The following NREP variants were observed in gnomAD, a reference collection of about 807,000 sequenced individuals.
NREP encodes neuronal regeneration related protein.
NREP carries 5 observed loss-of-function variants against 8.6 expected under a neutral mutation model. The observed-to-expected ratio is 0.58, with a 90% CI of 0.30 to 1.22. The LOEUF is 1.22. Ranked by LOEUF, NREP falls within the 50% of genes most tolerant of loss-of-function variation. The pLI, the probability that NREP is intolerant of heterozygous loss-of-function variation, is 0.07. For missense variants in NREP, 86 were observed against 82.5 expected (o/e 1.04, Z -0.17); for synonymous variants, 27 against 28.0 (o/e 0.96, Z 0.11).
At chr5:111,747,780 T>C (rs531740660) in intron 2 of NREP, among the ~76,000 whole-genome samples, 2 of 152,292 alleles carry the variant, frequency 1.3e-5, no homozygotes, top group East Asian at 3.9e-4. Flanking sequence ...ATTTATATTT[T>C]GCTCCATGAA....
intron 2 of NREP, among the ~76,000 whole-genome samples, chr5:111,785,969 A>T (rs543547709): frequency 6.6e-6 from 1 of 152,140 alleles, no homozygotes; most frequent in Non-Finnish European, 1.5e-5. Flanking sequence ...AAAAATGAAG[A>T]GAGGTCACTC....
chr5:111,768,613 C>T (rs1003334282), intron 2 of NREP, among the ~76,000 whole-genome samples: 3 of 152,106 alleles, frequency 2.0e-5, no homozygotes, highest in African/African-American at 7.2e-5. Context: ...GAGAAGGTGT[C>T]GTATTTGAAT....
At chr5:111,905,256 G>C (rs1754753593) in intron 2 of NREP, among the ~76,000 whole-genome samples, 1 of 152,104 alleles carries the variant, frequency 6.6e-6, no homozygotes, top group Non-Finnish European at 1.5e-5. Context: ...GGTAGATCAC[G>C]TGGTAAGACT....
chr5:111,956,602 A>G (rs1756327265), intron 2 of NREP, among the ~76,000 whole-genome samples: 1 of 152,176 alleles, frequency 6.6e-6, no homozygotes, highest in Non-Finnish European at 1.5e-5. Context: ...AAGAGTAAAA[A>G]CAATATTTTT....
At position 111,962,696 on chromosome 5, in the gene NREP, G is replaced by A. The variant is rs541050488; in HGVS notation, c.135+12578C>T. On this transcript the variant is annotated intron_variant, in intron 2 of 3. Transcript: ENST00000395634. ...TGTTGCCTTTTCCAAAATTACCTACGCCCTGCCCCATCCCCCATTCTGTGC... is the reference window on the plus strand; with the variant it reads ...TGTTGCCTTTTCCAAAATTACCTACACCCTGCCCCATCCCCCATTCTGTGC... Among the ~76,000 whole-genome samples the A allele has an allele frequency of 1.1e-3, 167 of 152,098 alleles. 2 individuals are homozygous for A. The highest frequency in any genetic ancestry group is 3.8e-3 in the African/African-American group (157 of 41,488).
chr5:111,951,777 T>A (rs1473871196), intron 2 of NREP, among the ~76,000 whole-genome samples: 1 of 152,112 alleles, frequency 6.6e-6, no homozygotes, highest in Non-Finnish European at 1.5e-5. Context: ...AGTTTTAAAA[T>A]CGTGTCCATT....
chr5:111,846,918 A>G (rs924450586), intron 2 of NREP, among the ~76,000 whole-genome samples: 5 of 152,140 alleles, frequency 3.3e-5, no homozygotes, highest in Non-Finnish European at 7.4e-5. Context: ...TTTTTCATTC[A>G]TTCACGTATT....
In NREP at chr5:111,838,715, A is replaced by G. The variant is rs371479551; in HGVS notation, c.136-103208T>C. On this transcript the variant is annotated intron_variant, in intron 2 of 3. Transcript: ENST00000395634. ...TTGAAATTCATGATGATATATATAT[A>G]TGTGTGTGTGTTTGTATGCATATAT... Among the ~76,000 whole-genome samples, 43 of 152,066 alleles carry G rather than the reference A, an allele frequency of 2.8e-4. 1 individual carries two copies. The highest frequency in any genetic ancestry group is 2.1e-3 in the East Asian group (11 of 5,170).
intron 2 of NREP, among the ~76,000 whole-genome samples, chr5:111,948,157 A>G (rs1375868446): frequency 2.0e-5 from 3 of 152,124 alleles, no homozygotes; most frequent in African/African-American, 7.2e-5. Context: ...AGACATATTT[A>G]ATTTCCCACA....
chr5:111,741,790 C>T (rs958004637), intron 2 of NREP, among the ~76,000 whole-genome samples: 4 of 149,708 alleles, frequency 2.7e-5, no homozygotes, highest in African/African-American at 4.9e-5. Context: ...GGGGGCTAAA[C>T]GAAACATGCA....
intron 2 of NREP, among the ~76,000 whole-genome samples, chr5:111,787,381 C>A (rs1751636735): frequency 6.6e-6 from 1 of 151,932 alleles, no homozygotes; most frequent in Admixed American, 6.6e-5. Flanking sequence ...GAAAGTAAAC[C>A]ATCTTATTGT....
At chr5:111,862,523 ACTG>A (rs903241758) in intron 2 of NREP, among the ~76,000 whole-genome samples, 1 of 152,122 alleles carries the variant, frequency 6.6e-6, no homozygotes, top group African/African-American at 2.4e-5. Flanking sequence ...GGGATGTATG[ACTG>A]TTGCAAAACA....
chr5:111,891,655 T>C (rs951297427), intron 2 of NREP, among the ~76,000 whole-genome samples: 4 of 152,208 alleles, frequency 2.6e-5, no homozygotes, highest in African/African-American at 9.6e-5. Context: ...AATGCCAGTA[T>C]CTGCTTCTGA....
At chr5:111,751,887 C>T (rs1471244318) in intron 2 of NREP, among the ~76,000 whole-genome samples, 1 of 152,090 alleles carries the variant, frequency 6.6e-6, no homozygotes, top group African/African-American at 2.4e-5. Flanking sequence ...ACTTTCCAAC[C>T]AGGAACAGCA....
intron 2 of NREP, among the ~76,000 whole-genome samples, chr5:111,776,134 T>A (rs1323112128): frequency 6.6e-6 from 1 of 152,180 alleles, no homozygotes; most frequent in Admixed American, 6.6e-5. Context: ...GAGAGCAATT[T>A]GGTCATATAG....
intron 2 of NREP, among the ~76,000 whole-genome samples, chr5:111,792,915 G>A (rs1441472425): frequency 1.3e-5 from 2 of 152,066 alleles, no homozygotes; most frequent in Non-Finnish European, 2.9e-5. Context: ...TTCTGATGAC[G>A]TTTCTTTTTA....
At chr5:111,930,280 T>TA (rs987355184) in intron 2 of NREP, among the ~76,000 whole-genome samples, 5 of 152,156 alleles carry the variant, frequency 3.3e-5, no homozygotes, top group Non-Finnish European at 5.9e-5. Flanking sequence ...CTTTAAATGT[T>TA]AGGCTCCCAT....
chr5:111,748,628 T>A (rs1258147686), intron 2 of NREP, among the ~76,000 whole-genome samples: 1 of 152,164 alleles, frequency 6.6e-6, no homozygotes, highest in Non-Finnish European at 1.5e-5. Flanking sequence ...TTTCACTTTG[T>A]AGAAAGAGAA....
At chr5:111,879,179 TC>T (rs1295265900) in intron 2 of NREP, among the ~76,000 whole-genome samples, 1 of 152,116 alleles carries the variant, frequency 6.6e-6, no homozygotes, top group South Asian at 2.1e-4. Context: ...ACATGCTGGC[TC>T]CCCCCTTTTG....
Sources: gnomAD v4.1 joint callset for allele counts (sites outside exome capture counted in the v4.1 genomes callset) on GRCh38, gnomAD v4.1.1 for gene constraint, MANE v1.5 for transcripts, NCBI Gene and HGNC (gene_info 2026-07-23, HGNC 2026-07-21) for gene names.